The following HIVEP3 variants were observed in gnomAD, a reference collection of about 807,000 sequenced individuals.
HIVEP3 encodes the protein HIVEP zinc finger 3.
A neutral mutation model predicts 152.8 loss-of-function variants in HIVEP3; 49 were observed. That is an observed-to-expected ratio of 0.32 (90% CI 0.26 to 0.41). The LOEUF (loss-of-function observed/expected upper bound fraction) is 0.41, where lower values mean the gene tolerates loss of function less well. HIVEP3 is among the 10% of genes least tolerant of loss of function. The pLI, the probability that HIVEP3 is intolerant of heterozygous loss-of-function variation, is 1.00. For missense variants in HIVEP3, 2,790 were observed against 3,103.3 expected, an observed-to-expected ratio of 0.90 and a Z score of 2.40; for synonymous variants, 1,269 against 1,289.0, an observed-to-expected ratio of 0.98 and a Z score of 0.33.
chr1:41,996,088 G>T (rs559428241), intron 1 of HIVEP3, among the ~76,000 whole-genome samples: 16 of 152,136 alleles, frequency 1.1e-4, no homozygotes, highest in Admixed American at 9.8e-4. Context: ...TGTGGTCTCA[G>T]CTTGGAAGAT....
At chr1:41,547,828 T>C (rs1643840567) in intron 5 of HIVEP3, among the ~76,000 whole-genome samples, 1 of 151,270 alleles carries the variant, frequency 6.6e-6, no homozygotes, top group Admixed American at 6.6e-5. Context: ...GAAGCAGATA[T>C]CCTTTCCTCC....
rs1642702967 is a variant in HIVEP3, at chr1:41,519,628, G to T, written c.5384-1140C>A. ...TCTGTCCCATTAGTCTAATGAATTG[G>T]TAAGTTTGAATGGATGGATGGAGGA... On this transcript the variant is annotated intron_variant, in intron 6 of 8. Coordinates refer to ENST00000372583, the MANE Select transcript of HIVEP3 (RefSeq NM_024503.5). Among the ~76,000 whole-genome samples, 2 of 152,242 alleles carry T rather than the reference G, an allele frequency of 1.3e-5. 1 individual carries two copies. The highest frequency in any genetic ancestry group is 4.1e-4 in the South Asian group (2 of 4,832).
intron 3 of HIVEP3, among the ~76,000 whole-genome samples, chr1:41,623,889 T>C (rs967550002): frequency 1.1e-5 from 1 of 87,246 alleles, no homozygotes; most frequent in African/African-American, 6.5e-5. Context: ...ACAGAGGCTC[T>C]CTGCATGCCG....
At chr1:41,783,897 A>G (rs1443507327) in intron 1 of HIVEP3, among the ~76,000 whole-genome samples, 1 of 152,222 alleles carries the variant, frequency 6.6e-6, no homozygotes, top group Non-Finnish European at 1.5e-5. Flanking sequence ...ACTCTTCCAA[A>G]AAGGGTGCAG....
At position 41,902,081 on chromosome 1, in the gene HIVEP3, A is replaced by G. The variant is rs28719008; in HGVS notation, c.-801+16332T>C. ...GCAAAGCCCAGAAACTACCCACAAG[A>G]ATGAGCCAGTGGTGAGGAGGAGGGG... On this transcript the variant is annotated intron_variant, in intron 1 of 8. Coordinates refer to ENST00000372583, the MANE Select transcript of HIVEP3 (RefSeq NM_024503.5). Among the ~76,000 whole-genome samples the G allele has an allele frequency of 9.4e-3, 1,429 of 152,136 alleles. 21 individuals carry two copies. The highest frequency in any genetic ancestry group is 0.033 in the African/African-American group (1,371 of 41,476).
chr1:41,728,287 TA>T (rs1646787262), intron 1 of HIVEP3, among the ~76,000 whole-genome samples: 2 of 152,160 alleles, frequency 1.3e-5, no homozygotes, highest in Non-Finnish European at 2.9e-5. Context: ...TTGCAAGGAA[TA>T]AATGAGACCA....
chr1:41,550,338 A>T (rs1297780770), intron 5 of HIVEP3, among the ~76,000 whole-genome samples: 1 of 152,216 alleles, frequency 6.6e-6, no homozygotes, highest in African/African-American at 2.4e-5. Context: ...CTTTTTGCTT[A>T]GGATTGACTT....
intron 1 of HIVEP3, among the ~76,000 whole-genome samples, chr1:41,882,418 A>G (rs1644277121): frequency 6.6e-6 from 1 of 152,248 alleles, no homozygotes; most frequent in Non-Finnish European, 1.5e-5. Flanking sequence ...TGCATGGGAC[A>G]GGAGTTTCAA....
intron 1 of HIVEP3, among the ~76,000 whole-genome samples, chr1:41,709,083 C>T (rs893005809): frequency 6.6e-6 from 1 of 152,246 alleles, no homozygotes; most frequent in South Asian, 2.1e-4. Flanking sequence ...CCTACCACCA[C>T]ATGGCATATG....
Position 41,927,704 on chromosome 1 carries a change from C to T in HIVEP3, n.120-9180G>A, listed in dbSNP as rs576716459. Reference sequence around the variant, plus strand: ...ACCCTTCTCCCCGATAATCACAGTCCACAAAAGCAAGGAGAAAAAAAACTT... The same window carrying T: ...ACCCTTCTCCCCGATAATCACAGTCTACAAAAGCAAGGAGAAAAAAAACTT... On this transcript the variant is annotated intron_variant and non_coding_transcript_variant, in intron 1 of 3. Transcript: ENST00000489103. Among the ~76,000 whole-genome samples, 9 of 152,176 alleles carry T rather than the reference C, an allele frequency of 5.9e-5. No homozygotes were observed. In the South Asian group the frequency reaches 1.9e-3, roughly 32 times the overall value.
intron 2 of HIVEP3, among the ~76,000 whole-genome samples, chr1:41,660,096 G>A (rs1645690179): frequency 6.6e-6 from 1 of 152,080 alleles, no homozygotes; most frequent in South Asian, 2.1e-4. Context: ...GCATGTGTGA[G>A]TGAGTTGGAG....
chr1:41,507,220 T>C lies in HIVEP3; in HGVS notation c.*3231A>G, dbSNP rs1056748235. The C allele has an allele frequency of 6.6e-6, 1 of 152,260 alleles. No individual in the cohort carries two copies. The highest frequency in any genetic ancestry group is 2.4e-5 in the African/African-American group (1 of 41,446). The allele number at this position is 152,260 out of a possible 1,614,324, so 9.4% of individuals were successfully genotyped here. ...AGAGGAATCTGGAAGCTAATTCTTT[T>C]AGGCTTTTTCCAACAGAGGGAAGCA... On this transcript the variant is annotated 3_prime_UTR_variant, in exon 9 of 9. Transcript: ENST00000372583.
At chr1:41,899,761 A>C (rs555841515) in intron 1 of HIVEP3, among the ~76,000 whole-genome samples, 30 of 152,110 alleles carry the variant, frequency 2.0e-4, no homozygotes, top group Admixed American at 6.6e-4. Context: ...GAATCATTTA[A>C]CTCTCCTAGT....
At chr1:41,532,114 A>G in intron 5 of HIVEP3, among the ~76,000 whole-genome samples, 1 of 131,056 alleles carries the variant, frequency 7.6e-6, no homozygotes, top group Non-Finnish European at 1.6e-5. Context: ...GACAGGAGAG[A>G]TGGAGGACAG....
rs1380514949 is a variant in HIVEP3, at chr1:41,511,911, T to C, written c.6406-645A>G. On this transcript the variant is annotated intron_variant, in intron 8 of 8. Transcript: ENST00000372583. The surrounding 1 kb of genome is among the most constrained non-coding windows in gnomAD (Gnocchi z 4.9). Reference sequence around the variant, plus strand: ...CTCATGGGGTGGCAGCAGTGGTGTGTTGGTGCAATGGTGACAGTGGTGGTG... The same window carrying C: ...CTCATGGGGTGGCAGCAGTGGTGTGCTGGTGCAATGGTGACAGTGGTGGTG... Among the ~76,000 whole-genome samples the C allele has an allele frequency of 6.6e-6, 1 of 151,958 alleles. No homozygotes were observed. Among genetic ancestry groups the C allele is most frequent in the Non-Finnish European group, 1.5e-5 (1 of 67,974 alleles).
At chr1:41,512,417 T>C (rs945370134) in intron 8 of HIVEP3, among the ~76,000 whole-genome samples, 74 of 152,298 alleles carry the variant, frequency 4.9e-4, no homozygotes, top group African/African-American at 1.8e-3. Context: ...GCTTGAGGCC[T>C]CCCCAGAAGC....
chr1:41,523,071 C>T (rs1035055038), intron 6 of HIVEP3, among the ~76,000 whole-genome samples: 1 of 152,280 alleles, frequency 6.6e-6, no homozygotes, highest in African/African-American at 2.4e-5. Context: ...CTTTCTTCAC[C>T]TTCAAGGGGA....
chr1:41,921,277 C>T (rs1644940423), upstream of HIVEP3, among the ~76,000 whole-genome samples: 1 of 152,214 alleles, frequency 6.6e-6, no homozygotes, highest in Non-Finnish European at 1.5e-5. Flanking sequence ...TATGGTTTGG[C>T]TGTGTCCCCA....
chr1:41,751,305 C>T (rs920412497), intron 1 of HIVEP3, among the ~76,000 whole-genome samples: 1 of 144,592 alleles, frequency 6.9e-6, no homozygotes, highest in Non-Finnish European at 1.5e-5. Flanking sequence ...TGAATTCATC[C>T]CGAGGGAAAC....
Sources: gnomAD v4.1 joint callset for allele counts (sites outside exome capture counted in the v4.1 genomes callset) on GRCh38, gnomAD v4.1.1 for gene constraint, Gnocchi (gnomAD v3.1) non-coding constraint, MANE v1.5 for transcripts, NCBI Gene and HGNC (gene_info 2026-07-23, HGNC 2026-07-21) for gene names.